ADCY4: variants seen among roughly 807,000 people sequenced by gnomAD.
The protein encoded by ADCY4 is adenylate cyclase type 4.
A neutral mutation model predicts 125.5 loss-of-function variants in ADCY4; 111 were observed. The ratio of observed to expected loss-of-function variants is 0.88; its 90% confidence interval spans 0.76 to 1.04. The LOEUF is 1.04. ADCY4 is among the 50% of genes least tolerant of loss of function. ADCY4 has a pLI of 0.00. For missense variants in ADCY4, 1,256 were observed against 1,382.9 expected (o/e 0.91, Z 1.46); for synonymous variants, 576 against 586.9 (o/e 0.98, Z 0.27).
Position 24,330,178 on chromosome 14 carries a change from G to C in ADCY4, c.1048C>G (p.Arg350Gly). The C allele has an allele frequency of 6.2e-7, 1 of 1,613,880 alleles. No individual in the cohort carries two copies. Among genetic ancestry groups the C allele is most frequent in the Non-Finnish European group, 8.5e-7 (1 of 1,179,860 alleles). Residue 350 changes from arginine to glycine, a missense_variant, in exon 7 of 25, where the codon CGG becomes GGG. Coordinates refer to ENST00000418030, the MANE Select transcript of ADCY4 (RefSeq NM_001198568.2). Reference protein sequence around the residue: ...NCVRMGLDMCRAIRKLRAATG... With the variant: ...NCVRMGLDMCGAIRKLRAATG... The stretch of plus-strand genomic sequence containing the variant: ...ACCGCCTGAGCTGACCTGATGGCCC[G>C]GCACATGTCCAGGCCCATGCGCACG...
chr14:24,319,880 G>A lies in ADCY4; in HGVS notation c.2595C>T (p.Tyr865=), dbSNP rs1467229182. 25 of 1,613,294 alleles carry A rather than the reference G, an allele frequency of 1.5e-5. No individual in the cohort carries two copies. Among genetic ancestry groups the A allele is most frequent in the South Asian group, 2.2e-5 (2 of 91,052 alleles). ...IGQNRRNEDL[Y]HQSYECVCVL... is the part of the protein sequence containing the mutation. ...CACAAACGCATTCATAGGACTGGTG[G>A]TAGAGATCCTGGGGGAACAGGAGAC... is the stretch of plus-strand genomic sequence containing the variant. Residue 865 remains tyrosine (Y), a synonymous_variant, in exon 21 of 25, where the codon TAC becomes TAT. Transcript: ENST00000418030. This position sits in a 1 kb window ranked among gnomAD's most constrained non-coding sequence, Gnocchi z 4.5.
chr14:24,324,336 G>A lies in ADCY4; in HGVS notation c.1879C>T (p.Leu627Phe). ...AGGTCCTCTGAGAAGCAGACAAAAA[G>A]GATGAGGAGGAAGAGGAGGAAGGTG... ...SITFLLFLLI[L>F]FVCFSEDLMR... Residue 627 changes from leucine to phenylalanine, a missense_variant, in exon 15 of 25, where the codon CTT (leucine) becomes TTT (phenylalanine). Leu to Phe is a conservative substitution (Grantham distance 22). Coordinates refer to ENST00000418030, the MANE Select transcript of ADCY4 (RefSeq NM_001198568.2). 6.2e-7 allele frequency: 1 copy of A among 1,614,236 alleles called. No individual in the cohort carries two copies. The highest frequency in any genetic ancestry group is 1.6e-4 in the Middle Eastern group (1 of 6,062).
chr14:24,323,160 C>A, intron 17 of ADCY4, 72 bp from the exon 18 acceptor site: 1 of 1,532,778 alleles, frequency 6.5e-7, no homozygotes, highest in South Asian at 1.2e-5. Context: ...GGGCTCCCTT[C>A]CTGTCCCTCC....
Position 24,322,897 on chromosome 14 carries a change from T to C in ADCY4, c.2342+7A>G, listed in dbSNP as rs542752705. On this transcript the variant is annotated splice_region_variant and intron_variant, in intron 18 of 24. Transcript: ENST00000418030. ...GCCCGGCACCTCTGTCCAGCAGCTG[T>C]GCACACCTGGAGTCCAAGGGGCCCA... 1.4e-5 allele frequency: 23 copies of C among 1,587,898 alleles called. No homozygotes were observed. The Admixed American group carries it at 2.9e-4, about 20-fold the overall frequency.
Position 24,324,396 on chromosome 14 carries a change from A to T in ADCY4, c.1824-5T>A, listed in dbSNP as rs762106888. On this transcript the variant is annotated splice_region_variant and splice_polypyrimidine_tract_variant and intron_variant, in intron 14 of 24. Coordinates refer to ENST00000418030, the MANE Select transcript of ADCY4 (RefSeq NM_001198568.2). ...GTGATGGCCAGAGCTGGGGGCCTGA[A>T]GGGAGACAAAAGCGAGGCCTTGAAG... The T allele has an allele frequency of 6.2e-7, 1 of 1,611,704 alleles. No individual in the cohort carries two copies.
intron 20 of ADCY4, among the ~76,000 whole-genome samples, chr14:24,321,476 G>T (rs1022864873): frequency 6.6e-6 from 1 of 151,258 alleles, no homozygotes; most frequent in African/African-American, 2.4e-5. Context: ...CAGCCTGAGC[G>T]ATGAGAGTGA....
intron 20 of ADCY4, chr14:24,321,680 G>A: frequency 2.3e-6 from 1 of 440,810 alleles, no homozygotes; most frequent in Non-Finnish European, 3.1e-6. Context: ...CTGACAAGAG[G>A]CAGAGCTCAG....
Position 24,319,961 on chromosome 14 carries a change from C to T in ADCY4, c.2587-73G>A. ...CCCTTCTAGAGGTCTGCGTGGGGCCCTCCTCCCCATGTCCACACTCCTGGT... is the reference window on the plus strand; with the variant it reads ...CCCTTCTAGAGGTCTGCGTGGGGCCTTCCTCCCCATGTCCACACTCCTGGT... On this transcript the variant is annotated intron_variant, in intron 20 of 24. Coordinates refer to ENST00000418030, the MANE Select transcript of ADCY4 (RefSeq NM_001198568.2). The surrounding 1 kb of genome is among the most constrained non-coding windows in gnomAD (Gnocchi z 4.5). 2.6e-6 allele frequency: 4 copies of T among 1,544,112 alleles called. No individual in the cohort carries two copies. Among genetic ancestry groups the T allele is most frequent in the African/African-American group, 1.4e-5 (1 of 72,588 alleles).
intron 23 of ADCY4, 137 bp from the exon 24 acceptor site, chr14:24,318,915 C>T: frequency 2.1e-6 from 3 of 1,439,358 alleles, no homozygotes; most frequent in Non-Finnish European, 2.8e-6. Flanking sequence ...AGGAATGTAG[C>T]TTAAGAAAAA....
chr14:24,318,822 G>A (rs1224291518), intron 23 of ADCY4, 44 bp from the exon 24 acceptor site: 2 of 1,612,100 alleles, frequency 1.2e-6, no homozygotes, highest in Admixed American at 3.3e-5. Context: ...AAGGAAGAGG[G>A]GAAGAGGAAG....
chr14:24,326,411 C>T, intron 10 of ADCY4, 69 bp from the exon 11 acceptor site: 1 of 1,561,036 alleles, frequency 6.4e-7, no homozygotes, highest in Non-Finnish European at 8.8e-7. Context: ...GACCATGAGC[C>T]ACACTGCATG....
At chr14:24,326,757 C>T (rs2041953047) in intron 10 of ADCY4, among the ~76,000 whole-genome samples, 1 of 152,098 alleles carries the variant, frequency 6.6e-6, no homozygotes, top group South Asian at 2.1e-4. Context: ...CCACGCCCAG[C>T]TAATTTTTGC....
chr14:24,330,902 G>C, intron 6 of ADCY4, 116 bp downstream of exon 6: 1 of 834,046 alleles, frequency 1.2e-6, no homozygotes, highest in Non-Finnish European at 1.9e-6. Context: ...ATATCTGGGG[G>C]CCTGCATGCA....
rs760569774 is a variant in ADCY4 at position 24,324,414 on chromosome 14, C to G, written c.1824-23G>C. On this transcript the variant is annotated intron_variant, in intron 14 of 24. Coordinates refer to ENST00000418030, the MANE Select transcript of ADCY4 (RefSeq NM_001198568.2). ...GGCCTGAAGGGAGACAAAAGCGAGG[C>G]CTTGAAGTGCCAGAACAGGCTCCCT... 22 of 1,593,730 alleles carry G rather than the reference C, an allele frequency of 1.4e-5. No individual in the cohort carries two copies. In the South Asian group the frequency reaches 1.7e-4, roughly 12 times the overall value.
In ADCY4 at chr14:24,331,803, G is replaced by C; in HGVS notation, c.654C>G (p.Thr218=). The part of the protein sequence containing the change: ...SSLHSRRRLD[T]EKKHQEHLLL... ...CCCGGCTGACCTGGTGCTTCTTCTC[G>C]GTGTCCAGCCGCCGGCGTGAGTGCA... The change falls in exon 4 of 25, where the codon ACC becomes ACG. Residue 218 remains threonine (T), a synonymous_variant. Coordinates refer to ENST00000418030, the MANE Select transcript of ADCY4 (RefSeq NM_001198568.2). 1 of 1,589,552 alleles carries C rather than the reference G, an allele frequency of 6.3e-7. No homozygotes were observed. The highest frequency in any genetic ancestry group is 8.6e-7 in the Non-Finnish European group (1 of 1,163,698).
intron 10 of ADCY4, among the ~76,000 whole-genome samples, chr14:24,326,895 G>GGTTTTTTTT (rs1319421096): frequency 2.1e-5 from 1 of 47,920 alleles, no homozygotes; most frequent in East Asian, 9.5e-4. Context: ...TACCTGGCTG[G>GGTTTTTTTT]ATTTTTTTTT....
At position 24,334,553 on chromosome 14, in the gene ADCY4, G is replaced by T; in HGVS notation, c.100C>A (p.Leu34Met). ...GCGAGCGCACAGAGCACGATCCCCAGCAGCAGCAGCAGCAGCGGGTACTGC... is the reference window on the plus strand; with the variant it reads ...GCGAGCGCACAGAGCACGATCCCCATCAGCAGCAGCAGCAGCGGGTACTGC... ...SQQYPLLLLL[L>M]GIVLCALAAL... Residue 34 changes from leucine (L) to methionine (M), a missense_variant, in exon 1 of 25, where the codon CTG (leucine) becomes ATG (methionine). Coordinates refer to ENST00000418030, the MANE Select transcript of ADCY4 (RefSeq NM_001198568.2). The T allele has an allele frequency of 6.6e-7, 1 of 1,509,946 alleles. No individual in the cohort carries two copies. Among genetic ancestry groups the T allele is most frequent in the Non-Finnish European group, 8.9e-7 (1 of 1,124,474 alleles). 93.5% of individuals were successfully genotyped at this position (1,509,946 alleles called of 1,614,324 possible). A position where few individuals can be genotyped will look rare whatever the true frequency, so the allele number is the denominator to read the frequency against.
Position 24,334,908 on chromosome 14 carries a change from A to C in ADCY4, c.-256T>G. ...ACCCGGATTGTAGAGGTGCCCTAGA[A>C]AAGCCTCATCGCCAGGAGGGCAGGA... On this transcript the variant is annotated 5_prime_UTR_variant, in exon 1 of 25. Coordinates refer to ENST00000418030, the MANE Select transcript of ADCY4 (RefSeq NM_001198568.2). 1 of 419,254 alleles carries C rather than the reference A, an allele frequency of 2.4e-6. No homozygotes were observed. 26.0% of individuals were successfully genotyped at this position (419,254 alleles called of 1,614,324 possible).
intron 1 of ADCY4, 126 bp from the exon 2 acceptor site, chr14:24,333,114 G>A: frequency 1.1e-6 from 1 of 923,400 alleles, no homozygotes; most frequent in Non-Finnish European, 1.5e-6. Context: ...GTACGAAAAG[G>A]AGGCAAGGCA....
Sources: allele counts gnomAD v4.1 joint callset (sites outside exome capture counted in the v4.1 genomes callset), GRCh38; gene constraint gnomAD v4.1.1; non-coding constraint Gnocchi (gnomAD v3.1); transcripts MANE v1.5; gene names NCBI Gene and HGNC (gene_info 2026-07-23, HGNC 2026-07-21).